Variants in KCNQ3 observed in about 807,000 individuals in gnomAD.
The protein encoded by KCNQ3 is potassium voltage-gated channel subfamily KQT member 3.
KCNQ3 carries 30 observed loss-of-function variants against 92.5 expected under a neutral mutation model. The observed-to-expected ratio is 0.32, with a 90% confidence interval of 0.24 to 0.44. KCNQ3 has a LOEUF of 0.44. Among genes scored for constraint, KCNQ3 ranks in the 20% least tolerant of loss-of-function variants. The probability of loss-of-function intolerance (pLI) is 1.00; values close to 1 mark genes in which losing one functional copy is unlikely to be tolerated. For synonymous variants in KCNQ3, 450 were observed against 468.8 expected, an observed-to-expected ratio of 0.96 and a Z score of 0.52; for missense variants, 913 against 1,140.3, an observed-to-expected ratio of 0.80 and a Z score of 2.87.
chr8:132,192,403 C>T (rs1827186832), intron 1 of KCNQ3, among the ~76,000 whole-genome samples: 1 of 152,208 alleles, frequency 6.6e-6, no homozygotes, highest in South Asian at 2.1e-4. Context: ...TAATTTCAGA[C>T]GGAGACCACG....
At chr8:132,400,888 G>A (rs953542746) in intron 1 of KCNQ3, among the ~76,000 whole-genome samples, 1 of 152,218 alleles carries the variant, frequency 6.6e-6, no homozygotes, top group Non-Finnish European at 1.5e-5. Context: ...TTGAAAGGCA[G>A]GTAGCATTGT....
At chr8:132,353,321 G>A (rs1818930096) in intron 1 of KCNQ3, among the ~76,000 whole-genome samples, 1 of 152,072 alleles carries the variant, frequency 6.6e-6, no homozygotes, top group African/African-American at 2.4e-5. Context: ...GAAAGGAAGG[G>A]AAGGAAGGGG....
At chr8:132,234,393 C>T (rs1814742995) in intron 1 of KCNQ3, among the ~76,000 whole-genome samples, 1 of 127,150 alleles carries the variant, frequency 7.9e-6, no homozygotes, top group Admixed American at 9.5e-5. Context: ...GCAGTTCTTC[C>T]AAAGGATTCT....
In KCNQ3 at chr8:132,198,699, T is replaced by C. The variant is rs549194462; in HGVS notation, c.387-12518A>G. Among the ~76,000 whole-genome samples, 3 of 152,048 alleles carry C rather than the reference T, an allele frequency of 2.0e-5. No homozygotes were observed. The East Asian group carries it at 5.8e-4, about 30-fold the overall frequency. ...GCGGGTGCCTGCAATCCCAGCTACT[T>C]GGGAGGCTGAGGCAGGAGAATAGCT... On this transcript the variant is annotated intron_variant, in intron 1 of 14. Coordinates refer to ENST00000388996, the MANE Select transcript of KCNQ3 (RefSeq NM_004519.4).
At chr8:132,371,667 T>G (rs1435274287) in intron 1 of KCNQ3, among the ~76,000 whole-genome samples, 1 of 152,140 alleles carries the variant, frequency 6.6e-6, no homozygotes, top group Non-Finnish European at 1.5e-5. Context: ...CTTGTCTTTG[T>G]GCCAAGCTAG....
chr8:132,460,098 C>A (rs1012772383), intron 1 of KCNQ3, among the ~76,000 whole-genome samples: 1 of 152,012 alleles, frequency 6.6e-6, no homozygotes, highest in Admixed American at 6.6e-5. Flanking sequence ...CTATAAGATG[C>A]CCTTGGCTCA....
chr8:132,216,165 T>A (rs1814022255), intron 1 of KCNQ3, among the ~76,000 whole-genome samples: 1 of 151,946 alleles, frequency 6.6e-6, no homozygotes, highest in Non-Finnish European at 1.5e-5. Context: ...TTACAGAGAA[T>A]AAAGGGCCAA....
chr8:132,365,095 G>A (rs1238383100), intron 1 of KCNQ3, among the ~76,000 whole-genome samples: 1 of 152,152 alleles, frequency 6.6e-6, no homozygotes, highest in African/African-American at 2.4e-5. Context: ...TGCCTGTGCT[G>A]TTGTTTGTTT....
At chr8:132,401,103 C>T (rs780038091) in intron 1 of KCNQ3, among the ~76,000 whole-genome samples, 7 of 152,168 alleles carry the variant, frequency 4.6e-5, no homozygotes, top group South Asian at 2.1e-4. Flanking sequence ...CCCCACCAGG[C>T]GGCAAATCTA....
intron 3 of KCNQ3, among the ~76,000 whole-genome samples, chr8:132,181,886 C>CAA (rs200039049): frequency 6.6e-6 from 1 of 150,558 alleles, no homozygotes; most frequent in South Asian, 2.1e-4. Context: ...ACTAAAAATA[C>CAA]AAAAAAAAAT....
chr8:132,330,720 T>C (rs752519919), intron 1 of KCNQ3, among the ~76,000 whole-genome samples: 2 of 152,200 alleles, frequency 1.3e-5, no homozygotes, highest in Non-Finnish European at 2.9e-5. Flanking sequence ...GCCAGAAACA[T>C]GTGTGGACAC....
chr8:132,460,267 A>G (rs1355312899), intron 1 of KCNQ3, among the ~76,000 whole-genome samples: 3 of 152,212 alleles, frequency 2.0e-5, no homozygotes, highest in Non-Finnish European at 2.9e-5. Context: ...CTGACAGCGC[A>G]AGGATATATA....
At chr8:132,216,904 T>C (rs1814049204) in intron 1 of KCNQ3, among the ~76,000 whole-genome samples, 1 of 152,140 alleles carries the variant, frequency 6.6e-6, no homozygotes, top group African/African-American at 2.4e-5. Context: ...GTGAGGCCAC[T>C]CTTAAGAGTC....
At chr8:132,365,490 G>A (rs1465814058) in intron 1 of KCNQ3, among the ~76,000 whole-genome samples, 2 of 152,234 alleles carry the variant, frequency 1.3e-5, no homozygotes, top group Non-Finnish European at 2.9e-5. Flanking sequence ...TGGAGGGGAT[G>A]AGGACTGAGG....
At chr8:132,341,839 C>A (rs1370352982) in intron 1 of KCNQ3, among the ~76,000 whole-genome samples, 1 of 152,188 alleles carries the variant, frequency 6.6e-6, no homozygotes, top group Non-Finnish European at 1.5e-5. Context: ...TCTCAGGCAT[C>A]CATGCAGTTT....
At chr8:132,352,334 G>C in intron 1 of KCNQ3, among the ~76,000 whole-genome samples, 1 of 152,146 alleles carries the variant, frequency 6.6e-6, no homozygotes, top group South Asian at 2.1e-4. Context: ...GTTGTCACAG[G>C]TGGGTGGGGT....
At chr8:132,328,810 T>A (rs946216443) in intron 1 of KCNQ3, among the ~76,000 whole-genome samples, 2 of 152,140 alleles carry the variant, frequency 1.3e-5, no homozygotes, top group Admixed American at 1.3e-4. Flanking sequence ...TCTTTCTCAT[T>A]TTTACCTGCT....
intron 7 of KCNQ3, among the ~76,000 whole-genome samples, chr8:132,172,198 G>A (rs78320361): frequency 0.052 from 7,938 of 151,792 alleles, 325 homozygotes; most frequent in Non-Finnish European, 0.075. Context: ...AAAAACCACC[G>A]TATCAAAAAA....
intron 1 of KCNQ3, among the ~76,000 whole-genome samples, chr8:132,438,921 T>C (rs1416774965): frequency 6.7e-6 from 1 of 149,782 alleles, no homozygotes; most frequent in Non-Finnish European, 1.5e-5. Context: ...ACATTTTGTT[T>C]AACCATTTCC....
Sources: gnomAD v4.1 joint callset for allele counts (sites outside exome capture counted in the v4.1 genomes callset) on GRCh38, gnomAD v4.1.1 for gene constraint, MANE v1.5 for transcripts, NCBI Gene and HGNC (gene_info 2026-07-23, HGNC 2026-07-21) for gene names.